Variants in SLAIN2 observed in about 807,000 individuals in gnomAD.
The protein encoded by SLAIN2 is SLAIN motif-containing protein 2.
A neutral mutation model predicts 56.6 loss-of-function variants in SLAIN2; 31 were observed. The ratio of observed to expected loss-of-function variants is 0.55; its 90% CI spans 0.41 to 0.74. The LOEUF (loss-of-function observed/expected upper bound fraction) is 0.74. Ranked by LOEUF, SLAIN2 falls within the 30% of genes least tolerant of loss-of-function variation. The pLI, the probability that SLAIN2 is intolerant of heterozygous loss-of-function variation, is 0.00. For missense variants in SLAIN2, 777 were observed against 754.2 expected, an observed-to-expected ratio of 1.03 and a Z score of -0.35; for synonymous variants, 317 against 284.9, an observed-to-expected ratio of 1.11 and a Z score of -1.13.
chr4:48,364,212 C>T (rs956379572), intron 1 of SLAIN2, among the ~76,000 whole-genome samples: 1 of 74,354 alleles, frequency 1.3e-5, no homozygotes, highest in Non-Finnish European at 3.1e-5. Context: ...CTCGGCCGGG[C>T]AGAGGCGCTC....
At chr4:48,407,860 T>A (rs1037403870) in intron 6 of SLAIN2, among the ~76,000 whole-genome samples, 5 of 152,302 alleles carry the variant, frequency 3.3e-5, no homozygotes, top group African/African-American at 1.2e-4. Flanking sequence ...CATTCCTCAC[T>A]TCTTCCAGCC....
intron 2 of SLAIN2, among the ~76,000 whole-genome samples, chr4:48,375,494 T>C (rs1313508323): frequency 6.6e-6 from 1 of 151,758 alleles, no homozygotes; most frequent in African/African-American, 2.4e-5. Flanking sequence ...ATCCTTTTTT[T>C]CTTTTTTTTC....
intron 1 of SLAIN2, among the ~76,000 whole-genome samples, chr4:48,350,258 A>G (rs1328286252): frequency 6.6e-6 from 1 of 152,176 alleles, no homozygotes; most frequent in Non-Finnish European, 1.5e-5. Flanking sequence ...GCCTCCGTGT[A>G]TTCAAATTCC....
chr4:48,395,627 G>T lies in SLAIN2; in HGVS notation c.1360+11843G>T, dbSNP rs1267633603. On this transcript the variant is annotated intron_variant, in intron 6 of 7. Coordinates refer to ENST00000264313, the MANE Select transcript of SLAIN2 (RefSeq NM_020846.2). Reference sequence around the variant, plus strand: ...AAATAGGCAAATAAAAAAGCAGAATGTATGAATGTTTGTATTTTGAATATC... The same window carrying T: ...AAATAGGCAAATAAAAAAGCAGAATTTATGAATGTTTGTATTTTGAATATC... Among the ~76,000 whole-genome samples, 3 of 152,084 alleles carry T rather than the reference G, an allele frequency of 2.0e-5. No individual in the cohort carries two copies. The South Asian group carries it at 6.2e-4, about 31-fold the overall frequency.
intron 1 of SLAIN2, among the ~76,000 whole-genome samples, chr4:48,356,541 C>G (rs1362216353): frequency 6.6e-6 from 1 of 152,136 alleles, no homozygotes; most frequent in African/African-American, 2.4e-5. Flanking sequence ...GCTATTGCCA[C>G]AATTTGCAAG....
chr4:48,423,062 A>T lies in SLAIN2; in HGVS notation c.*985A>T, dbSNP rs921769766. ...ATACCATGAGAGAGAGGGGGAAAAA[A>T]ATCTATGCACTTAACCTACAAAATC... On this transcript the variant is annotated 3_prime_UTR_variant, in exon 8 of 8. Coordinates refer to ENST00000264313, the MANE Select transcript of SLAIN2 (RefSeq NM_020846.2). 2 of 152,166 alleles carry T rather than the reference A, an allele frequency of 1.3e-5. No individual in the cohort carries two copies. The highest frequency in any genetic ancestry group is 4.8e-5 in the African/African-American group (2 of 41,440). 9.4% of individuals were successfully genotyped at this position (152,166 alleles called of 1,614,324 possible).
rs182870571 is a variant in SLAIN2, at chr4:48,344,807, A to T, written c.389+2679A>T. On this transcript the variant is annotated intron_variant, in intron 1 of 7. Coordinates refer to ENST00000264313, the MANE Select transcript of SLAIN2 (RefSeq NM_020846.2). ...GTTTCACAAAATGTTGATTACTTTT[A>T]CTACAAGTGGTATGCTTGGATATTT... is the stretch of plus-strand genomic sequence containing the variant. 5.0e-4 allele frequency among the ~76,000 whole-genome samples: 76 copies of T among 152,246 alleles called. No individual in the cohort carries two copies. The East Asian group carries it at 0.013, about 27-fold the overall frequency.
intron 1 of SLAIN2, among the ~76,000 whole-genome samples, chr4:48,350,091 A>G (rs1714971878): frequency 6.6e-6 from 1 of 152,384 alleles, no homozygotes; most frequent in African/African-American, 2.4e-5. Context: ...AACATTTATC[A>G]GATCTACCTA....
At chr4:48,408,426 T>C (rs1716757703) in intron 6 of SLAIN2, among the ~76,000 whole-genome samples, 1 of 150,180 alleles carries the variant, frequency 6.7e-6, no homozygotes, top group Admixed American at 6.7e-5. Flanking sequence ...AGTAACATCA[T>C]AGACCTTCCA....
At position 48,421,960 on chromosome 4, in the gene SLAIN2, A is replaced by C. The variant is rs1341224692; in HGVS notation, c.1680-51A>C. 3.6e-6 allele frequency: 5 copies of C among 1,380,672 alleles called. No individual in the cohort carries two copies. In the South Asian group the frequency reaches 6.2e-5, roughly 17 times the overall value. The allele number at this position is 1,380,672 out of a possible 1,614,324, so 85.5% of individuals were successfully genotyped here. ...TATATGTGTGAGATAGTATGGTACTATTTCATAAAGACATTTATCAAATTT... is the reference window on the plus strand; with the variant it reads ...TATATGTGTGAGATAGTATGGTACTCTTTCATAAAGACATTTATCAAATTT... On this transcript the variant is annotated intron_variant, in intron 7 of 7. Coordinates refer to ENST00000264313, the MANE Select transcript of SLAIN2 (RefSeq NM_020846.2).
chr4:48,373,346 C>T (rs1223139428), intron 2 of SLAIN2, among the ~76,000 whole-genome samples: 2 of 152,136 alleles, frequency 1.3e-5, no homozygotes, highest in African/African-American at 2.4e-5. Context: ...CCCTTTGCTT[C>T]CTCTCTGCCT....
intron 6 of SLAIN2, among the ~76,000 whole-genome samples, chr4:48,410,621 A>G (rs1205582116): frequency 6.6e-6 from 1 of 151,970 alleles, no homozygotes; most frequent in Non-Finnish European, 1.5e-5. Context: ...CCCTTCCCCA[A>G]GTCCGGCTCC....
At chr4:48,419,109 C>T (rs1577742472) in intron 6 of SLAIN2, among the ~76,000 whole-genome samples, 2 of 147,182 alleles carry the variant, frequency 1.4e-5, no homozygotes. Context: ...TTCTGTTTTC[C>T]TTTTTTTTTT....
rs1338485523 is a variant in SLAIN2 at position 48,383,800 on chromosome 4, A to G, written c.1360+16A>G. The G allele has an allele frequency of 1.9e-6, 3 of 1,605,268 alleles. No individual in the cohort carries two copies. The Admixed American group carries it at 5.1e-5, about 27-fold the overall frequency. ...GCTTCAGCCAGTAAGTATCCTTCTT[A>G]TGCTTTCATGTATCAGTTATTTAAA... On this transcript the variant is annotated intron_variant, in intron 6 of 7. Transcript: ENST00000264313.
rs1351147487 is a variant in SLAIN2 at position 48,383,539 on chromosome 4, A to G, written c.1223-108A>G. The G allele has an allele frequency of 3.7e-6, 4 of 1,090,368 alleles. No individual in the cohort carries two copies. The African/African-American group carries it at 6.3e-5, about 17-fold the overall frequency. 67.5% of individuals were successfully genotyped at this position (1,090,368 alleles called of 1,614,324 possible). A position where few individuals can be genotyped will look rare whatever the true frequency, so the allele number is the denominator to read the frequency against. On this transcript the variant is annotated intron_variant, in intron 5 of 7. Coordinates refer to ENST00000264313, the MANE Select transcript of SLAIN2 (RefSeq NM_020846.2). ...AAGTCCTTTGTATTTTCTCATCTAA[A>G]ATAAACAGAATGTTTGATAAACAAT...
intron 2 of SLAIN2, among the ~76,000 whole-genome samples, chr4:48,377,005 A>G (rs576665584): frequency 2.2e-4 from 33 of 150,134 alleles, no homozygotes; most frequent in Admixed American, 1.6e-3. Context: ...AAAAATCCAA[A>G]CTTTGAAAAG....
At chr4:48,363,658 G>A (rs1205374547) in intron 1 of SLAIN2, among the ~76,000 whole-genome samples, 11 of 101,122 alleles carry the variant, frequency 1.1e-4, no homozygotes, top group Admixed American at 8.6e-5. Flanking sequence ...GCGGCTGGCC[G>A]GGCAGAGGGG....
In SLAIN2 at chr4:48,342,021, C is replaced by T; in HGVS notation, c.282C>T (p.Ala94=). ...CGAGTAGCGAAGAGCTGCGGGACGC[C>T]ACCTCCTTGCTAGCGGCGGGCGAGG... ...RRTSSEELRD[A]TSLLAAGEGG... is the part of the protein sequence containing the mutation. Residue 94 remains alanine, a synonymous_variant, in exon 1 of 8, where the codon GCC becomes GCT. Transcript: ENST00000264313. 2.8e-6 allele frequency: 4 copies of T among 1,412,802 alleles called. No individual in the cohort carries two copies. The highest frequency in any genetic ancestry group is 3.7e-6 in the Non-Finnish European group (4 of 1,088,576). The allele number at this position is 1,412,802 out of a possible 1,614,324, so 87.5% of individuals were successfully genotyped here.
chr4:48,346,803 G>GAAGTTAGAC (rs1318983129), intron 1 of SLAIN2, among the ~76,000 whole-genome samples: 1 of 148,596 alleles, frequency 6.7e-6, no homozygotes, highest in Non-Finnish European at 1.5e-5. Flanking sequence ...AGATGAATCA[G>GAAGTTAGAC]AAGTTAGACA....
Sources: allele counts gnomAD v4.1 joint callset (sites outside exome capture counted in the v4.1 genomes callset), GRCh38; gene constraint gnomAD v4.1.1; transcripts MANE v1.5; gene names NCBI Gene and HGNC (gene_info 2026-07-23, HGNC 2026-07-21).